The following PCDH11Y variants were observed in gnomAD, a reference collection of about 807,000 sequenced individuals.
PCDH11Y encodes the protein protocadherin-11 Y-linked.
For missense variants in PCDH11Y, 12 were observed against 224.8 expected (o/e 0.05, Z 6.05); for synonymous variants, 9 against 83.6 (o/e 0.11, Z 4.87).
At chrY:5,128,121 A>G in intron 2 of PCDH11Y, among the ~76,000 whole-genome samples, 1 of 32,994 alleles carries the variant, frequency 3.0e-5, no homozygotes, top group Non-Finnish European at 7.5e-5. Context: ...TTCTATGTAC[A>G]TATAAGATCT....
At chrY:5,155,373 C>T (rs2052868498) in intron 2 of PCDH11Y, among the ~76,000 whole-genome samples, 9 of 32,490 alleles carry the variant, frequency 2.8e-4, no homozygotes, top group African/African-American at 9.7e-4. Flanking sequence ...TTGTTACATA[C>T]GTACATATGT....
At chrY:5,362,307 C>T in intron 2 of PCDH11Y, among the ~76,000 whole-genome samples, 1 of 31,016 alleles carries the variant, frequency 3.2e-5, no homozygotes, top group Non-Finnish European at 7.7e-5. Context: ...TCCTAGCAAC[C>T]ACTAATCTTT....
At chrY:5,643,028 CT>C in intron 4 of PCDH11Y, among the ~76,000 whole-genome samples, 1 of 33,536 alleles carries the variant, frequency 3.0e-5, no homozygotes, top group East Asian at 7.8e-4. Context: ...TCCAAAGCTT[CT>C]TCTCTTTTTG....
chrY:5,461,777 T>A (rs2053303914), intron 2 of PCDH11Y, among the ~76,000 whole-genome samples: 1 of 33,270 alleles, frequency 3.0e-5, no homozygotes, highest in African/African-American at 1.2e-4. Context: ...CTTGGATTCC[T>A]AGGTGTCATG....
At chrY:5,526,099 G>T (rs2053387603) in intron 3 of PCDH11Y, among the ~76,000 whole-genome samples, 1 of 32,931 alleles carries the variant, frequency 3.0e-5, no homozygotes, top group South Asian at 6.8e-4. Flanking sequence ...TTTCTCCTAA[G>T]AAATTGCTTT....
intron 4 of PCDH11Y, among the ~76,000 whole-genome samples, chrY:5,729,255 C>A: frequency 3.0e-5 from 1 of 33,523 alleles, no homozygotes; most frequent in Non-Finnish European, 7.4e-5. Flanking sequence ...TATAAAAATT[C>A]TCTTTTCTCC....
chrY:5,044,004 T>A (rs2052624467), intron 3 of PCDH11Y, among the ~76,000 whole-genome samples: 1 of 32,093 alleles, frequency 3.1e-5, no homozygotes, highest in Non-Finnish European at 7.6e-5. Flanking sequence ...TCTCTCTTTT[T>A]TTCTTTATTA....
At chrY:5,145,169 A>C in intron 2 of PCDH11Y, among the ~76,000 whole-genome samples, 1 of 32,512 alleles carries the variant, frequency 3.1e-5, no homozygotes, top group African/African-American at 1.2e-4. Context: ...GCAATGAATA[A>C]TCATTTCTGA....
At chrY:5,299,357 T>G (rs1602900901) in intron 2 of PCDH11Y, among the ~76,000 whole-genome samples, 3 of 33,700 alleles carry the variant, frequency 8.9e-5, no homozygotes, top group South Asian at 6.5e-4. Context: ...ATTTCATGAG[T>G]AATGAATCAT....
chrY:5,009,224 A>C, intron 1 of PCDH11Y, among the ~76,000 whole-genome samples: 1 of 33,317 alleles, frequency 3.0e-5, no homozygotes, highest in Non-Finnish European at 7.4e-5. Flanking sequence ...TGTATCCAAA[A>C]CTTGTTTGTT....
At chrY:5,684,521 C>T in intron 4 of PCDH11Y, among the ~76,000 whole-genome samples, 3 of 33,197 alleles carry the variant, frequency 9.0e-5, no homozygotes, top group Non-Finnish European at 2.3e-4. Context: ...TAGATATTGG[C>T]TCTCCCATGT....
chrY:5,668,085 T>C, intron 4 of PCDH11Y, among the ~76,000 whole-genome samples: 1 of 32,779 alleles, frequency 3.1e-5, no homozygotes, highest in African/African-American at 1.2e-4. Context: ...TTTTAAATTA[T>C]TAAAATTATG....
intron 2 of PCDH11Y, among the ~76,000 whole-genome samples, chrY:5,266,961 A>G (rs2053027359): frequency 3.1e-5 from 1 of 32,642 alleles, no homozygotes; most frequent in Non-Finnish European, 7.5e-5. Flanking sequence ...ATTTCTGTAC[A>G]TCATATTATA....
At chrY:5,277,874 G>A in intron 2 of PCDH11Y, among the ~76,000 whole-genome samples, 1 of 32,076 alleles carries the variant, frequency 3.1e-5, no homozygotes. Flanking sequence ...TCAACAGACA[G>A]CAGCATGATA....
chrY:5,646,309 G>C (rs207480475), intron 4 of PCDH11Y, among the ~76,000 whole-genome samples: 2 of 32,868 alleles, frequency 6.1e-5, no homozygotes, highest in Admixed American at 2.8e-4. Flanking sequence ...AACTCAGGAA[G>C]GTAGAAAGTT....
chrY:5,327,856 G>T, intron 2 of PCDH11Y, among the ~76,000 whole-genome samples: 24 of 32,678 alleles, frequency 7.3e-4, no homozygotes, highest in African/African-American at 2.9e-3. Flanking sequence ...GTTTTAAGAG[G>T]TTTAGAAGCC....
At chrY:5,310,021 CAAAAAAA>C in intron 2 of PCDH11Y, among the ~76,000 whole-genome samples, 1 of 5,357 alleles carries the variant, frequency 1.9e-4, no homozygotes, top group African/African-American at 7.4e-4. Flanking sequence ...AATTTGGTTG[CAAAAAAA>C]AAAAAAAAAA....
chrY:5,547,779 G>A (rs2124693743), intron 3 of PCDH11Y, among the ~76,000 whole-genome samples: 7 of 32,161 alleles, frequency 2.2e-4, no homozygotes, highest in Non-Finnish European at 7.7e-5. Flanking sequence ...GGGCTTAAGA[G>A]GTCCTTCTGC....
intron 1 of PCDH11Y, among the ~76,000 whole-genome samples, chrY:5,061,137 GATTA>G (rs2052674802): frequency 9.2e-5 from 3 of 32,778 alleles, no homozygotes; most frequent in South Asian, 1.3e-3. Flanking sequence ...ACTTTGATGC[GATTA>G]ATTTTCAACT....
Sources: allele counts gnomAD v4.1 joint callset (sites outside exome capture counted in the v4.1 genomes callset), GRCh38; gene constraint gnomAD v4.1.1; transcripts MANE v1.5; gene names NCBI Gene and HGNC (gene_info 2026-07-23, HGNC 2026-07-21).